The following SPOPL variants were observed in gnomAD, a reference collection of about 807,000 sequenced individuals.
The protein encoded by SPOPL is speckle type BTB/POZ protein like, also known as speckle-type POZ protein-like.
A neutral mutation model predicts 53.8 loss-of-function variants in SPOPL; 23 were observed. The observed-to-expected ratio is 0.43, with a 90% CI of 0.31 to 0.61. The LOEUF is 0.61. Ranked by LOEUF, SPOPL falls within the 20% of genes least tolerant of loss-of-function variation. SPOPL has a pLI of 0.12. For synonymous variants in SPOPL, 164 were observed against 149.7 expected (o/e 1.10, Z -0.70); for missense variants, 442 against 466.9 (o/e 0.95, Z 0.49).
At chr2:138,538,046 T>C (rs1269195929) in intron 1 of SPOPL, among the ~76,000 whole-genome samples, 1 of 152,180 alleles carries the variant, frequency 6.6e-6, no homozygotes, top group Non-Finnish European at 1.5e-5. Context: ...GTTACTGATT[T>C]ATAGTTTCAT....
intron 1 of SPOPL, among the ~76,000 whole-genome samples, chr2:138,522,601 G>T (rs1684582523): frequency 6.6e-6 from 1 of 151,900 alleles, no homozygotes; most frequent in African/African-American, 2.4e-5. Flanking sequence ...ATTTTTTCCT[G>T]TCCTTAGCCA....
At chr2:138,562,301 G>C (rs1250706706) in intron 8 of SPOPL, among the ~76,000 whole-genome samples, 1 of 152,002 alleles carries the variant, frequency 6.6e-6, no homozygotes, top group Non-Finnish European at 1.5e-5. Flanking sequence ...TTAAGACAGT[G>C]TTGTATTGGT....
chr2:138,531,552 G>A (rs903494608), intron 1 of SPOPL, among the ~76,000 whole-genome samples: 2 of 152,138 alleles, frequency 1.3e-5, no homozygotes, highest in African/African-American at 4.8e-5. Context: ...CTAAGTAGGT[G>A]TTAGACTCTT....
intron 1 of SPOPL, among the ~76,000 whole-genome samples, chr2:138,547,411 A>G (rs2104888807): frequency 6.6e-6 from 1 of 152,240 alleles, no homozygotes; most frequent in African/African-American, 2.4e-5. Context: ...CAGGGTTTCT[A>G]AAAGTTTTTT....
intron 1 of SPOPL, among the ~76,000 whole-genome samples, chr2:138,503,954 T>C (rs1684160775): frequency 6.6e-6 from 1 of 152,208 alleles, no homozygotes; most frequent in South Asian, 2.1e-4. Flanking sequence ...CTTCTTGGCT[T>C]GGTGTTTACA....
At chr2:138,531,639 T>C (rs186160282) in intron 1 of SPOPL, among the ~76,000 whole-genome samples, 140 of 152,288 alleles carry the variant, frequency 9.2e-4, no homozygotes, top group Middle Eastern at 3.4e-3. Flanking sequence ...AATACCTTCA[T>C]TGATCTTTTA....
At chr2:138,531,523 T>G (rs1454005908) in intron 1 of SPOPL, among the ~76,000 whole-genome samples, 1 of 152,188 alleles carries the variant, frequency 6.6e-6, no homozygotes, top group Non-Finnish European at 1.5e-5. Flanking sequence ...TGCTTCTCTC[T>G]TTTTCTTCTG....
intron 5 of SPOPL, among the ~76,000 whole-genome samples, chr2:138,555,071 C>T (rs957794562): frequency 6.6e-6 from 1 of 150,676 alleles, no homozygotes. Context: ...GACATCATCA[C>T]ATGGTGAGAA....
At chr2:138,530,573 C>T (rs552411348) in intron 1 of SPOPL, among the ~76,000 whole-genome samples, 35 of 152,238 alleles carry the variant, frequency 2.3e-4, no homozygotes, top group African/African-American at 8.4e-4. Context: ...TGGCATCCTT[C>T]ATTAGATTTA....
intron 1 of SPOPL, among the ~76,000 whole-genome samples, chr2:138,539,435 C>CAT (rs1685013585): frequency 6.6e-6 from 1 of 151,680 alleles, no homozygotes; most frequent in Non-Finnish European, 1.5e-5. Flanking sequence ...TTTTAATGAT[C>CAT]GCCATTCTAA....
At chr2:138,532,588 G>A (rs1323470312) in intron 1 of SPOPL, among the ~76,000 whole-genome samples, 59 of 144,188 alleles carry the variant, frequency 4.1e-4, no homozygotes, top group African/African-American at 1.5e-3. Flanking sequence ...CACCACGCCC[G>A]GCTAATTTTT....
At chr2:138,517,793 T>G (rs550638584) in intron 1 of SPOPL, among the ~76,000 whole-genome samples, 1 of 149,610 alleles carries the variant, frequency 6.7e-6, no homozygotes, top group South Asian at 2.1e-4. Context: ...ATGCCTGTAA[T>G]CCCAGCAGTT....
At position 138,569,107 on chromosome 2, in the gene SPOPL, G is replaced by T. The variant is rs1685727198; in HGVS notation, c.*27G>T. 6.2e-7 allele frequency: 1 copy of T among 1,605,372 alleles called. No homozygotes were observed. Among genetic ancestry groups the T allele is most frequent in the Non-Finnish European group, 8.5e-7 (1 of 1,176,082 alleles). ...ATCTTCCATGAACAGTTGAAAAATG[G>T]AATTGACTTTCACTCCTCCAGGTCC... On this transcript the variant is annotated 3_prime_UTR_variant, in exon 11 of 11. Transcript: ENST00000280098.
At chr2:138,562,227 A>G (rs930552242) in intron 8 of SPOPL, among the ~76,000 whole-genome samples, 9 of 151,946 alleles carry the variant, frequency 5.9e-5, no homozygotes, top group African/African-American at 2.2e-4. Context: ...ACTTTGGGGA[A>G]AAAAAGAATA....
At chr2:138,544,721 G>A (rs1206982023) in intron 1 of SPOPL, among the ~76,000 whole-genome samples, 2 of 152,122 alleles carry the variant, frequency 1.3e-5, no homozygotes, top group Non-Finnish European at 1.5e-5. Flanking sequence ...GCTCATGCTC[G>A]GTGCGCTGCA....
At chr2:138,515,732 T>G (rs942341944) in intron 1 of SPOPL, among the ~76,000 whole-genome samples, 6 of 152,194 alleles carry the variant, frequency 3.9e-5, no homozygotes, top group Non-Finnish European at 7.3e-5. Context: ...ATTTGTTGAT[T>G]TCTTCTTTTA....
Position 138,529,498 on chromosome 2 carries a change from CTGTGTGTGTGTGTG to C in SPOPL, c.-60-20635_-60-20622del, listed in dbSNP as rs58483992. On this transcript the variant is annotated intron_variant, in intron 1 of 10. Transcript: ENST00000280098. Reference sequence around the variant, plus strand: ...TATGTGTGTGTGTGTATGCATGTGCCTGTGTGTGTGTGTGTGTGTGTGTGTGTGTGTGTGTGTTT... The same window carrying C: ...TATGTGTGTGTGTGTATGCATGTGCCTGTGTGTGTGTGTGTGTGTGTGTTT... Among the ~76,000 whole-genome samples the C allele has an allele frequency of 2.6e-4, 38 of 147,694 alleles. No individual in the cohort carries two copies. In the East Asian group the frequency reaches 2.6e-3, roughly 10 times the overall value.
In SPOPL at chr2:138,569,348, C is replaced by T; in HGVS notation, c.*268C>T. On this transcript the variant is annotated 3_prime_UTR_variant, in exon 11 of 11. Transcript: ENST00000280098. ...ATACTTTAATTTTTTTTTATTGTGCCTTGTCATTTTGACCAAGGCTATGCA... is the reference window on the plus strand; with the variant it reads ...ATACTTTAATTTTTTTTTATTGTGCTTTGTCATTTTGACCAAGGCTATGCA... 1 of 326,204 alleles carries T rather than the reference C, an allele frequency of 3.1e-6. No individual in the cohort carries two copies. The highest frequency in any genetic ancestry group is 4.5e-5 in the Admixed American group (1 of 22,026). 20.2% of individuals were successfully genotyped at this position (326,204 alleles called of 1,614,324 possible).
chr2:138,555,292 G>C (rs1224800188), intron 5 of SPOPL, among the ~76,000 whole-genome samples: 3 of 151,842 alleles, frequency 2.0e-5, no homozygotes, highest in African/African-American at 7.3e-5. Flanking sequence ...TGTTGCATTG[G>C]GTATTAAATT....
Sources: allele counts gnomAD v4.1 joint callset (sites outside exome capture counted in the v4.1 genomes callset), GRCh38; gene constraint gnomAD v4.1.1; transcripts MANE v1.5; gene names NCBI Gene and HGNC (gene_info 2026-07-23, HGNC 2026-07-21).